The following KMT2C variants were observed in gnomAD, a reference collection of about 807,000 sequenced individuals.
The protein encoded by KMT2C is lysine methyltransferase 2C.
KMT2C carries 88 observed loss-of-function variants against 507.9 expected under a neutral mutation model. That is an observed-to-expected ratio of 0.17 (90% CI 0.15 to 0.21). The LOEUF (loss-of-function observed/expected upper bound fraction) is 0.21, where lower values mean the gene tolerates loss of function less well. KMT2C is among the 10% of genes least tolerant of loss of function. The probability of loss-of-function intolerance (pLI) is 1.00; values close to 1 mark genes in which losing one functional copy is unlikely to be tolerated. For synonymous variants in KMT2C, 2,049 were observed against 2,080.8 expected (o/e 0.98, Z 0.42); for missense variants, 4,954 against 5,957.8 (o/e 0.83, Z 5.55).
At chr7:152,329,920 TG>T (rs958073936) in intron 3 of KMT2C, among the ~76,000 whole-genome samples, 67 of 151,928 alleles carry the variant, frequency 4.4e-4, no homozygotes, top group African/African-American at 1.5e-3. Flanking sequence ...CCGAGGCAGG[TG>T]GATCATGAGA....
At chr7:152,360,058 C>CA (rs1280046859) in intron 1 of KMT2C, among the ~76,000 whole-genome samples, 1 of 61,270 alleles carries the variant, frequency 1.6e-5, no homozygotes, top group Admixed American at 2.9e-4. Context: ...AACACACAAA[C>CA]AAAAAAAAGG....
intron 14 of KMT2C, among the ~76,000 whole-genome samples, chr7:152,241,572 C>T (rs1459293869): frequency 1.3e-5 from 2 of 152,174 alleles, no homozygotes; most frequent in African/African-American, 4.8e-5. Flanking sequence ...CCCGGTGAAC[C>T]ATCATCTCTC....
chr7:152,409,892 G>C (rs1831136), intron 1 of KMT2C, among the ~76,000 whole-genome samples: 2 of 151,648 alleles, frequency 1.3e-5, no homozygotes, highest in African/African-American at 4.9e-5. Context: ...GAATCACAGT[G>C]TTCTTTCAGA....
At chr7:152,238,455 C>T (rs2095325413) in intron 15 of KMT2C, among the ~76,000 whole-genome samples, 1 of 152,242 alleles carries the variant, frequency 6.6e-6, no homozygotes, top group East Asian at 1.9e-4. Context: ...TTTTGGTCTA[C>T]ATGTCAAGGA....
Position 152,163,425 on chromosome 7 carries a change from T to C in KMT2C, c.10152A>G (p.Glu3384=), listed in dbSNP as rs2092563971. Residue 3384 remains glutamate, a synonymous_variant, in exon 43 of 59, where the codon GAA becomes GAG. Transcript: ENST00000262189. ...CACTAAAGGGATTGTTGTCATCAAA[T>C]TCTACCCGAGGTGGTGGTCCACTCT... ...NPQSGPPPRV[E]FDDNNPFSES... 1.2e-6 allele frequency: 2 copies of C among 1,614,104 alleles called. No homozygotes were observed. Among genetic ancestry groups the C allele is most frequent in the African/African-American group, 2.7e-5 (2 of 74,928 alleles).
chr7:152,142,274 T>G (rs1202210141), intron 55 of KMT2C, among the ~76,000 whole-genome samples: 1 of 152,242 alleles, frequency 6.6e-6, no homozygotes, highest in African/African-American at 2.4e-5. Flanking sequence ...AAGGATATTT[T>G]GTAGGGGAAA....
intron 6 of KMT2C, among the ~76,000 whole-genome samples, chr7:152,275,856 A>G (rs1242009259): frequency 2.0e-5 from 3 of 152,220 alleles, no homozygotes; most frequent in Non-Finnish European, 2.9e-5. Context: ...AAAATCGCTT[A>G]TTTTGATACC....
chr7:152,235,757 G>A, intron 16 of KMT2C, 60 bp downstream of exon 16: 6 of 1,137,104 alleles, frequency 5.3e-6, no homozygotes, highest in Non-Finnish European at 8.0e-6. Context: ...AACTTGCTAT[G>A]AGATTTTCAT....
In KMT2C at chr7:152,181,686, T is replaced by C. The variant is rs1389948479; in HGVS notation, c.6174A>G (p.Gly2058=). 2 of 1,614,152 alleles carry C rather than the reference T, an allele frequency of 1.2e-6. No homozygotes were observed. Among genetic ancestry groups the C allele is most frequent in the Admixed American group, 1.7e-5 (1 of 60,028 alleles). ...QPPPSSQDPY[G]SVSQASRRLS... ...ATCGCCTTGATGCCTGTGACACTGA[T>C]CCATAAGGATCCTGAGAGGATGGAG... Residue 2058 remains glycine, a synonymous_variant, in exon 36 of 59, where the codon GGA becomes GGG. Transcript: ENST00000262189.
rs1302376171 is a variant in KMT2C, at chr7:152,154,048, T to C, written c.12238A>G (p.Ile4080Val). ...PSPNGPRSGL[I>V]SVAITLHPTA... Reference sequence around the variant, plus strand: ...GGATGCAGAGTAATTGCTACAGATATAAGACCTGATCTGGGACCATTTGGG... The same window carrying C: ...GGATGCAGAGTAATTGCTACAGATACAAGACCTGATCTGGGACCATTTGGG... The change falls in exon 48 of 59, where the codon ATA (isoleucine) becomes GTA (valine). Residue 4080 changes from isoleucine (I) to valine (V), a missense_variant. Ile to Val is a conservative substitution (Grantham distance 29). Transcript: ENST00000262189. 2.5e-6 allele frequency: 4 copies of C among 1,614,096 alleles called. No homozygotes were observed. The highest frequency in any genetic ancestry group is 2.5e-6 in the Non-Finnish European group (3 of 1,179,972).
chr7:152,370,314 G>A (rs1168021617), intron 1 of KMT2C, among the ~76,000 whole-genome samples: 1 of 152,030 alleles, frequency 6.6e-6, no homozygotes, highest in Non-Finnish European at 1.5e-5. Context: ...ACTCACCCAA[G>A]ATGAAATATG....
In KMT2C at chr7:152,358,601, G is replaced by A. The variant is rs748418114; in HGVS notation, c.236C>T (p.Thr79Met). 1.5e-5 allele frequency: 24 copies of A among 1,604,604 alleles called. 1 individual carries two copies. In the South Asian group the frequency reaches 1.6e-4, roughly 10 times the overall value. The change falls in exon 2 of 59, where the codon ACG becomes ATG. Residue 79 changes from threonine (T) to methionine (M), a missense_variant. Thr to Met is a moderately conservative substitution (Grantham distance 81). Transcript: ENST00000262189. ...AGTTCTGATACCTGTTTCCACAATC[G>A]TTTCTGTTTCTGTTGTCTCCAGCCC... ...MDGLETTETE[T>M]IVETEIKEQS...
chr7:152,353,363 G>A (rs1411230356), intron 2 of KMT2C, among the ~76,000 whole-genome samples: 1 of 152,216 alleles, frequency 6.6e-6, no homozygotes, highest in Non-Finnish European at 1.5e-5. Context: ...GGCAGAGGTT[G>A]CAGTGAGCTG....
intron 2 of KMT2C, among the ~76,000 whole-genome samples, chr7:152,357,847 C>T (rs2097164943): frequency 6.6e-6 from 1 of 152,104 alleles, no homozygotes; most frequent in South Asian, 2.1e-4. Flanking sequence ...AAATCTATAA[C>T]AATTTTTAAT....
At chr7:152,332,491 T>C (rs972444586) in intron 2 of KMT2C, among the ~76,000 whole-genome samples, 2 of 152,244 alleles carry the variant, frequency 1.3e-5, no homozygotes, top group Non-Finnish European at 2.9e-5. Context: ...ATGGCATGAC[T>C]GAACTCTACT....
At chr7:152,365,008 A>G (rs2097229893) in intron 1 of KMT2C, among the ~76,000 whole-genome samples, 1 of 152,154 alleles carries the variant, frequency 6.6e-6, no homozygotes, top group Admixed American at 6.5e-5. Flanking sequence ...TTGCTGAAAA[A>G]GATTAATAAA....
chr7:152,240,463 A>C (rs1428396565), intron 14 of KMT2C, among the ~76,000 whole-genome samples: 4 of 152,236 alleles, frequency 2.6e-5, no homozygotes, highest in African/African-American at 9.6e-5. Context: ...TTGAGCCTAG[A>C]TCCTAAATGG....
chr7:152,402,037 G>A (rs1314581500), intron 1 of KMT2C, among the ~76,000 whole-genome samples: 9 of 152,268 alleles, frequency 5.9e-5, no homozygotes, highest in Non-Finnish European at 1.2e-4. Flanking sequence ...TTGAACCCGG[G>A]CGGCAGAGGT....
At chr7:152,341,657 T>G (rs2096993880) in intron 2 of KMT2C, among the ~76,000 whole-genome samples, 1 of 152,138 alleles carries the variant, frequency 6.6e-6, no homozygotes, top group African/African-American at 2.4e-5. Context: ...CCACAGTATA[T>G]AATTTTAAAT....
Sources: allele counts gnomAD v4.1 joint callset (sites outside exome capture counted in the v4.1 genomes callset), GRCh38; gene constraint gnomAD v4.1.1; transcripts MANE v1.5; gene names NCBI Gene and HGNC (gene_info 2026-07-23, HGNC 2026-07-21).